The following FLNC variants were observed in gnomAD, a reference collection of about 807,000 sequenced individuals.
The protein encoded by FLNC is filamin C.
In FLNC, 91 loss-of-function variants were observed where a neutral mutation model predicts 254.3. The ratio of observed to expected loss-of-function variants is 0.36; its 90% CI spans 0.30 to 0.43. The LOEUF is 0.43. Ranked by LOEUF, FLNC falls within the 20% of genes least tolerant of loss-of-function variation. FLNC has a pLI of 1.00. For synonymous variants in FLNC, 1,430 were observed against 1,577.2 expected (o/e 0.91, Z 2.21); for missense variants, 2,853 against 3,802.6 (o/e 0.75, Z 6.57).
rs1319931619 is a variant in FLNC at position 128,845,004 on chromosome 7, G to C, written c.3539G>C (p.Cys1180Ser). ...GAGGCAGCCACCTTCACTGTGGACT[G>C]CTCAGAGGCAGGCGAGGCGGAGCTG... ...VGEAATFTVDCSEAGEAELTI... is the reference protein window; with the variant it reads ...VGEAATFTVDSSEAGEAELTI... Residue 1180 changes from cysteine to serine, a missense_variant, in exon 21 of 48, where the codon TGC (cysteine) becomes TCC (serine). Cys to Ser is a moderately radical substitution (Grantham distance 112, BLOSUM62 -1). This residue lies in a region of FLNC where 1,573 missense variants were observed against 1,883.5 expected (regional missense o/e 0.84). Transcript: ENST00000325888. The C allele has an allele frequency of 5.0e-6, 8 of 1,613,720 alleles. No individual in the cohort carries two copies. The Admixed American group carries it at 8.3e-5, about 17-fold the overall frequency.
At chr7:128,853,136 C>T in intron 37 of FLNC, 105 bp downstream of exon 37, 1 of 1,172,914 alleles carries the variant, frequency 8.5e-7, no homozygotes, top group Non-Finnish European at 1.3e-6. Flanking sequence ...CTCCCTGAAA[C>T]TTCCTGACCA....
rs2128937012 is a variant in FLNC at position 128,846,736 on chromosome 7, A to C, written c.4128-9A>C. 1 of 1,613,138 alleles carries C rather than the reference A, an allele frequency of 6.2e-7. No individual in the cohort carries two copies. Among genetic ancestry groups the C allele is most frequent in the East Asian group, 2.2e-5 (1 of 44,856 alleles). On this transcript the variant is annotated splice_polypyrimidine_tract_variant and intron_variant, in intron 23 of 47. Coordinates refer to ENST00000325888, the MANE Select transcript of FLNC (RefSeq NM_001458.5). ...CTTATGAAGCTGATGGGGGGATGTT[A>C]TCTCTCAGGGGAGCGGGCACCGGGG... is the stretch of plus-strand genomic sequence containing the variant.
rs566365378 is a variant in FLNC at position 128,836,481 on chromosome 7, C to G, written c.602-679C>G. ...CCCCTCCCCGAAACGGTGTGCCGTCCCCCTCCTCCAGCTCTGGCCTAAACC... is the reference window on the plus strand; with the variant it reads ...CCCCTCCCCGAAACGGTGTGCCGTCGCCCTCCTCCAGCTCTGGCCTAAACC... On this transcript the variant is annotated intron_variant, in intron 2 of 47. Coordinates refer to ENST00000325888, the MANE Select transcript of FLNC (RefSeq NM_001458.5). The surrounding 1 kb of genome is among the most constrained non-coding windows in gnomAD (Gnocchi z 6.0). Among the ~76,000 whole-genome samples the G allele has an allele frequency of 1.4e-4, 22 of 152,276 alleles. No homozygotes were observed. The South Asian group carries it at 4.6e-3, about 32-fold the overall frequency.
In FLNC at chr7:128,835,664, A is replaced by ATGCACACCCTGGGGCCTGGGGCCC; in HGVS notation, c.601+111_601+112insCCCTGCACACCCTGGGGCCTGGGG. 7.0e-7 allele frequency: 1 copy of ATGCACACCCTGGGGCCTGGGGCCC among 1,438,196 alleles called. No homozygotes were observed. The highest frequency in any genetic ancestry group is 9.6e-7 in the Non-Finnish European group (1 of 1,036,686). 89.1% of individuals were successfully genotyped at this position (1,438,196 alleles called of 1,614,324 possible). On this transcript the variant is annotated intron_variant, in intron 2 of 47. Transcript: ENST00000325888. This position sits in a 1 kb window ranked among gnomAD's most constrained non-coding sequence, Gnocchi z 5.3. ...GCTGCCAAGGCGTGTGGTTGTCAGA[A>ATGCACACCCTGGGGCCTGGGGCCC]TGCACACCCTGGGGCCTGGGGGCCA...
rs1446694237 is a variant in FLNC, at chr7:128,841,511, G to A, written c.2065G>A (p.Glu689Lys). ...PTGCIVDKPA[E>K]FTIDARAAGK... ...CGGCTGCATCGTGGACAAGCCCGCT[G>A]AGTTCACCATTGATGCTCGTGCAGC... Residue 689 changes from glutamate to lysine, a missense_variant, in exon 13 of 48, where the codon GAG (glutamate) becomes AAG (lysine). Around this residue, in one of 10 missense-constraint regions of FLNC, gnomAD observed 1,573 missense variants for 1,883.5 expected, o/e 0.84. Coordinates refer to ENST00000325888, the MANE Select transcript of FLNC (RefSeq NM_001458.5). This position sits in a 1 kb window ranked among gnomAD's most constrained non-coding sequence, Gnocchi z 4.3. The A allele has an allele frequency of 3.7e-6, 6 of 1,614,070 alleles. No individual in the cohort carries two copies. Among genetic ancestry groups the A allele is most frequent in the Admixed American group, 1.7e-5 (1 of 60,010 alleles).
In FLNC at chr7:128,852,579, C is replaced by T. The variant is rs750240771; in HGVS notation, c.5843-12C>T. 1 of 1,613,226 alleles carries T rather than the reference C, an allele frequency of 6.2e-7. No individual in the cohort carries two copies. Among genetic ancestry groups the T allele is most frequent in the South Asian group, 1.1e-5 (1 of 91,078 alleles). ...GAGTCATAGCAGCCTGATGCCCCAA[C>T]TCCCCCACCAGGTGATGACTCCATG... is the stretch of plus-strand genomic sequence containing the variant. On this transcript the variant is annotated splice_polypyrimidine_tract_variant and intron_variant, in intron 35 of 47. Transcript: ENST00000325888.
At chr7:128,833,616 A>C (rs1016141566) in intron 1 of FLNC, among the ~76,000 whole-genome samples, 12 of 124,184 alleles carry the variant, frequency 9.7e-5, no homozygotes, top group African/African-American at 2.9e-4. Context: ...CCATATACAC[A>C]CCGCCCCCCC....
chr7:128,835,274 G>A lies in FLNC; in HGVS notation c.353-52G>A. 4 of 1,610,898 alleles carry A rather than the reference G, an allele frequency of 2.5e-6. No homozygotes were observed. In the East Asian group the frequency reaches 6.7e-5, roughly 27 times the overall value. On this transcript the variant is annotated intron_variant, in intron 1 of 47. Coordinates refer to ENST00000325888, the MANE Select transcript of FLNC (RefSeq NM_001458.5). This position sits in a 1 kb window ranked among gnomAD's most constrained non-coding sequence, Gnocchi z 5.3. ...GCGCAGGTGAGGGAGGGTGCTCTGG[G>A]GCAGTGGAGGGTGGGGCGCCCCTGA...
Position 128,848,684 on chromosome 7 carries a change from C to T in FLNC, c.4704C>T (p.Asp1568=), listed in dbSNP as rs749131315. Residue 1568 remains aspartate, a synonymous_variant, in exon 27 of 48, where the codon GAC becomes GAT. Transcript: ENST00000325888. ...TGGAGTTCACCATCGACGCACGGGA[C>T]GCGGGCGAGGGGTTGCTCACTGTCC... ...LPVEFTIDAR[D]AGEGLLTVQI... is the part of the protein sequence containing the mutation. 1.7e-5 allele frequency: 28 copies of T among 1,613,296 alleles called. No homozygotes were observed. Among genetic ancestry groups the T allele is most frequent in the South Asian group, 1.1e-4 (10 of 91,080 alleles).
chr7:128,837,568 G>A lies in FLNC; in HGVS notation c.850+20G>A, dbSNP rs776079280. ...GGCCTGGTATGTGTGAGCCCCTGGCGGCCCTCCTGGGCAGCTGGGCACATG... is the reference window on the plus strand; with the variant it reads ...GGCCTGGTATGTGTGAGCCCCTGGCAGCCCTCCTGGGCAGCTGGGCACATG... On this transcript the variant is annotated intron_variant, in intron 4 of 47. Transcript: ENST00000325888. 9.3e-6 allele frequency: 15 copies of A among 1,613,958 alleles called. No individual in the cohort carries two copies. The highest frequency in any genetic ancestry group is 4.5e-5 in the East Asian group (2 of 44,884).
rs752974645 is a variant in FLNC, at chr7:128,852,790, G to T, written c.6004+38G>T. 15 of 1,613,472 alleles carry T rather than the reference G, an allele frequency of 9.3e-6. No individual in the cohort carries two copies. In the South Asian group the frequency reaches 1.6e-4, roughly 18 times the overall value. On this transcript the variant is annotated intron_variant, in intron 36 of 47. Transcript: ENST00000325888. The stretch of plus-strand genomic sequence containing the variant: ...CCTCACGGGGACCTCAGGGGTGGGG[G>T]CCCACAGGATGCTCTGCCTAACACC...
At position 128,844,096 on chromosome 7, in the gene FLNC, C is replaced by T. The variant is rs757969015; in HGVS notation, c.3022C>T (p.Arg1008Cys). ...GGATGTGCGGATGACTTCGCCCTCT[C>T]GCCGGCCCATCCCCTGCAAGCTGGA... ...QLDVRMTSPS[R>C]RPIPCKLEPG... The change falls in exon 20 of 48, where the codon CGC becomes TGC. Residue 1008 changes from arginine (R) to cysteine (C), a missense_variant. Coordinates refer to ENST00000325888, the MANE Select transcript of FLNC (RefSeq NM_001458.5). 74 of 1,613,814 alleles carry T rather than the reference C, an allele frequency of 4.6e-5. No individual in the cohort carries two copies. The highest frequency in any genetic ancestry group is 1.3e-4 in the East Asian group (6 of 44,888).
Position 128,840,044 on chromosome 7 carries a change from G to A in FLNC, c.1433G>A (p.Arg478His), listed in dbSNP as rs749593461. ...CTAGCCTGTAACCCCAACGCCTGCC[G>A]CGCCTCTGGGCGAGGCCTGCAGCCC... ...VSEACNPNACRASGRGLQPKG... is the reference protein window; with the variant it reads ...VSEACNPNACHASGRGLQPKG... The change falls in exon 9 of 48, where the codon CGC becomes CAC. Residue 478 changes from arginine to histidine, a missense_variant. Physicochemically the swap from Arg to His is conservative, Grantham distance 29. Transcript: ENST00000325888. 21 of 1,613,768 alleles carry A rather than the reference G, an allele frequency of 1.3e-5. No individual in the cohort carries two copies. The highest frequency in any genetic ancestry group is 1.6e-4 in the Middle Eastern group (1 of 6,084).
In FLNC at chr7:128,844,170, G is replaced by A; in HGVS notation, c.3096G>A (p.Glu1032=). The change falls in exon 20 of 48, where the codon GAG becomes GAA. Residue 1032 remains glutamate (E), a synonymous_variant. Transcript: ENST00000325888. ...AGGCTGTGCGCTACATGCCCCCGGAGGAGGGGCCCTACAAGGTGGATATCA... is the reference window on the plus strand; with the variant it reads ...AGGCTGTGCGCTACATGCCCCCGGAAGAGGGGCCCTACAAGGTGGATATCA... ...EAQAVRYMPP[E]EGPYKVDITY... is the part of the protein sequence containing the mutation. 3 of 1,613,900 alleles carry A rather than the reference G, an allele frequency of 1.9e-6. No homozygotes were observed. Among genetic ancestry groups the A allele is most frequent in the Non-Finnish European group, 2.5e-6 (3 of 1,180,002 alleles).
rs776903870 is a variant in FLNC at position 128,858,423 on chromosome 7, A to T, written c.8078A>T (p.Asn2693Ile). 1 of 1,609,990 alleles carries T rather than the reference A, an allele frequency of 6.2e-7. No individual in the cohort carries two copies. Among genetic ancestry groups the T allele is most frequent in the African/African-American group, 1.3e-5 (1 of 74,668 alleles). Reference sequence around the variant, plus strand: ...AAGCACATGGGGAACCGGGTGTACAATGTCACCTACACTGTCAAGGAGAAA... The same window carrying T: ...AAGCACATGGGGAACCGGGTGTACATTGTCACCTACACTGTCAAGGAGAAA... ...YVKHMGNRVY[N>I]VTYTVKEKGD... Residue 2693 changes from asparagine to isoleucine, a missense_variant, in exon 48 of 48, where the codon AAT becomes ATT. Coordinates refer to ENST00000325888, the MANE Select transcript of FLNC (RefSeq NM_001458.5). The surrounding 1 kb of genome is among the most constrained non-coding windows in gnomAD (Gnocchi z 6.7).
intron 2 of FLNC, among the ~76,000 whole-genome samples, 159 bp from the exon 3 acceptor site, chr7:128,837,001 C>G (rs541068149): frequency 1.3e-5 from 2 of 152,118 alleles, no homozygotes; most frequent in African/African-American, 4.8e-5. Flanking sequence ...TGAGGGGCCT[C>G]GAAGCTGATG....
chr7:128,837,926 T>C (rs1449912552), intron 5 of FLNC, 61 bp from the exon 6 acceptor site: 5 of 1,498,060 alleles, frequency 3.3e-6, no homozygotes, highest in Non-Finnish European at 4.7e-6. Flanking sequence ...CATAAGGCAC[T>C]GTGGGGTCAG....
rs1808173066 is a variant in FLNC, at chr7:128,838,074, T to A, written c.1047+10T>A. The A allele has an allele frequency of 6.2e-7, 1 of 1,609,920 alleles. No homozygotes were observed. The highest frequency in any genetic ancestry group is 1.1e-5 in the South Asian group (1 of 90,986). ...CGCTGGGTTACACAAGGTATCTCCCTCTAGGCCCCCCTGCCTGCGCTGCTC... is the reference window on the plus strand; with the variant it reads ...CGCTGGGTTACACAAGGTATCTCCCACTAGGCCCCCCTGCCTGCGCTGCTC... On this transcript the variant is annotated intron_variant, in intron 6 of 47. Transcript: ENST00000325888.
chr7:128,838,144 T>C, intron 6 of FLNC, 80 bp downstream of exon 6: 1 of 1,493,884 alleles, frequency 6.7e-7, no homozygotes, highest in Non-Finnish European at 9.3e-7. Context: ...TCTCAGCCTG[T>C]ACCTCGCGCC....
Sources: allele counts gnomAD v4.1 joint callset (sites outside exome capture counted in the v4.1 genomes callset), GRCh38; gene constraint gnomAD v4.1.1; regional missense constraint gnomAD v4.1.1; non-coding constraint Gnocchi (gnomAD v3.1); transcripts MANE v1.5; gene names NCBI Gene and HGNC (gene_info 2026-07-23, HGNC 2026-07-21).